Variants in PLPP1 observed in about 807,000 individuals in gnomAD.
PLPP1 encodes the protein lipid phosphate phosphohydrolase 1a.
A neutral mutation model predicts 31.2 loss-of-function variants in PLPP1; 24 were observed. That is an observed-to-expected ratio of 0.77 (90% CI 0.56 to 1.08). The LOEUF (loss-of-function observed/expected upper bound fraction) is 1.08, where lower values mean the gene tolerates loss of function less well. Among genes scored for constraint, PLPP1 ranks in the 50% least tolerant of loss-of-function variants. The pLI, the probability that PLPP1 is intolerant of heterozygous loss-of-function variation, is 0.00. For synonymous variants in PLPP1, 146 were observed against 126.3 expected (o/e 1.16, Z -1.05); for missense variants, 319 against 342.7 (o/e 0.93, Z 0.55).
rs181684617 is a variant in PLPP1, at chr5:55,445,628, T to G, written c.492-3720A>C. Reference sequence around the variant, plus strand: ...GGCCCAATCTGAGCTCACTGCAACCTCCGCCTCCTGGGTTCAAGCAATTCT... The same window carrying G: ...GGCCCAATCTGAGCTCACTGCAACCGCCGCCTCCTGGGTTCAAGCAATTCT... On this transcript the variant is annotated intron_variant, in intron 3 of 5. Coordinates refer to ENST00000307259, the MANE Select transcript of PLPP1 (RefSeq NM_003711.4). Among the ~76,000 whole-genome samples the G allele has an allele frequency of 4.5e-3, 618 of 136,176 alleles. 5 individuals carry two copies. Among genetic ancestry groups the G allele is most frequent in the African/African-American group, 0.016 (592 of 36,218 alleles). The allele number at this position is 136,176 out of a possible 152,430, so 89.3% of individuals were successfully genotyped here. A position where few individuals can be genotyped will look rare whatever the true frequency, so the allele number is the denominator to read the frequency against.
At chr5:55,443,192 A>AAAAAAAAATATATATATATATATAT in intron 3 of PLPP1, among the ~76,000 whole-genome samples, 1 of 25,442 alleles carries the variant, frequency 3.9e-5, no homozygotes, top group African/African-American at 1.1e-4. Context: ...AAAAAAAAAA[A>AAAAAAAAATATATATATATATATAT]ATATATATAT....
At chr5:55,531,247 C>G (rs1276714889) in intron 1 of PLPP1, among the ~76,000 whole-genome samples, 2 of 152,164 alleles carry the variant, frequency 1.3e-5, no homozygotes, top group Non-Finnish European at 2.9e-5. Context: ...CCTTCTTTTT[C>G]CAAGGATTTA....
At chr5:55,526,327 C>CATTT (rs1460189921) in intron 1 of PLPP1, among the ~76,000 whole-genome samples, 1 of 152,120 alleles carries the variant, frequency 6.6e-6, no homozygotes, top group African/African-American at 2.4e-5. Flanking sequence ...GTTTTCTGAA[C>CATTT]ATTTCTATAT....
chr5:55,496,734 C>T (rs1186737284), intron 1 of PLPP1, among the ~76,000 whole-genome samples: 1 of 152,178 alleles, frequency 6.6e-6, no homozygotes, highest in Non-Finnish European at 1.5e-5. Context: ...TAGTGCACTA[C>T]TCCTATGATA....
Position 55,475,559 on chromosome 5 carries a change from T to C in PLPP1, c.59-109A>G, listed in dbSNP as rs1393473632. 3.2e-5 allele frequency: 31 copies of C among 969,914 alleles called. 1 individual carries two copies. The highest frequency in any genetic ancestry group is 4.5e-5 in the Non-Finnish European group (31 of 684,750). The allele number at this position is 969,914 out of a possible 1,614,324, so 60.1% of individuals were successfully genotyped here. A position where few individuals can be genotyped will look rare whatever the true frequency, so the allele number is the denominator to read the frequency against. Reference sequence around the variant, plus strand: ...TCTAAAAATGCATTTGCCATGAAAATAAATGAGAGCACATGTAAAAAAGGA... The same window carrying C: ...TCTAAAAATGCATTTGCCATGAAAACAAATGAGAGCACATGTAAAAAAGGA... On this transcript the variant is annotated intron_variant, in intron 1 of 5. Transcript: ENST00000307259.
At chr5:55,443,972 C>T (rs561686720) in intron 3 of PLPP1, among the ~76,000 whole-genome samples, 13 of 152,236 alleles carry the variant, frequency 8.5e-5, no homozygotes, top group African/African-American at 2.9e-4. Flanking sequence ...AACTCTTTAT[C>T]GGAGTCTTTA....
intron 4 of PLPP1, among the ~76,000 whole-genome samples, chr5:55,432,551 C>A (rs1008777443): frequency 1.3e-5 from 2 of 152,018 alleles, no homozygotes; most frequent in African/African-American, 4.8e-5. Context: ...TACCCTGATA[C>A]GAAAAACAGA....
At chr5:55,534,305 G>A (rs534118258) in intron 1 of PLPP1, among the ~76,000 whole-genome samples, 1 of 152,302 alleles carries the variant, frequency 6.6e-6, no homozygotes, top group South Asian at 2.1e-4. Flanking sequence ...ACAGAGGACA[G>A]GAGCAAGGTA....
At position 55,425,144 on chromosome 5, in the gene PLPP1, C is replaced by T; in HGVS notation, c.*62G>A. 4 of 1,562,532 alleles carry T rather than the reference C, an allele frequency of 2.6e-6. No individual in the cohort carries two copies. Among genetic ancestry groups the T allele is most frequent in the Non-Finnish European group, 3.5e-6 (4 of 1,153,380 alleles). On this transcript the variant is annotated 3_prime_UTR_variant, in exon 6 of 6. Transcript: ENST00000307259. Reference sequence around the variant, plus strand: ...CCAGGAAGAAAGATGCATCCTCTTGCCTTGTGGCAATCATTTTCCTTTAGA... The same window carrying T: ...CCAGGAAGAAAGATGCATCCTCTTGTCTTGTGGCAATCATTTTCCTTTAGA...
chr5:55,485,471 C>CA (rs200817726), intron 1 of PLPP1, among the ~76,000 whole-genome samples: 5 of 151,440 alleles, frequency 3.3e-5, no homozygotes, highest in African/African-American at 1.2e-4. Flanking sequence ...TTATTTTGAT[C>CA]TTTTTTTTTC....
chr5:55,490,288 T>C (rs986647275), intron 1 of PLPP1, among the ~76,000 whole-genome samples: 14 of 151,688 alleles, frequency 9.2e-5, no homozygotes, highest in Admixed American at 9.2e-4. Flanking sequence ...GTAGCTGGGA[T>C]TACAGGCATG....
chr5:55,523,726 G>A lies in PLPP1; in HGVS notation c.58+10846C>T, dbSNP rs188904338. ...CCAGCCACACTGGCCTCTTTTCTGT[G>A]ACAAAATGCCCTTTTCTTCTTTTGC... On this transcript the variant is annotated intron_variant, in intron 1 of 5. Coordinates refer to ENST00000307259, the MANE Select transcript of PLPP1 (RefSeq NM_003711.4). Among the ~76,000 whole-genome samples the A allele has an allele frequency of 1.3e-3, 192 of 152,180 alleles. 2 individuals are homozygous for A. The Middle Eastern group carries it at 0.024, about 19-fold the overall frequency.
At chr5:55,480,918 C>T (rs1373330166) in intron 1 of PLPP1, among the ~76,000 whole-genome samples, 1 of 152,182 alleles carries the variant, frequency 6.6e-6, no homozygotes, top group Non-Finnish European at 1.5e-5. Flanking sequence ...CTTTTTGATA[C>T]ATTCACTAGT....
chr5:55,478,379 A>C (rs747094133), intron 1 of PLPP1, among the ~76,000 whole-genome samples: 7 of 152,254 alleles, frequency 4.6e-5, no homozygotes, highest in Non-Finnish European at 7.3e-5. Context: ...AATAAGGCAC[A>C]GTACATAATT....
At chr5:55,482,575 T>C (rs1752694382) in intron 1 of PLPP1, among the ~76,000 whole-genome samples, 1 of 152,172 alleles carries the variant, frequency 6.6e-6, no homozygotes, top group Admixed American at 6.6e-5. Flanking sequence ...ACAGCGCCTA[T>C]GTCCCCATGA....
At chr5:55,486,685 C>G (rs1034493832) in intron 1 of PLPP1, among the ~76,000 whole-genome samples, 1 of 151,676 alleles carries the variant, frequency 6.6e-6, no homozygotes, top group South Asian at 2.1e-4. Context: ...GAGGCCGAGG[C>G]GGGCAGATCA....
At chr5:55,518,451 G>A (rs1458929931) in intron 1 of PLPP1, among the ~76,000 whole-genome samples, 2 of 151,898 alleles carry the variant, frequency 1.3e-5, no homozygotes, top group African/African-American at 4.8e-5. Context: ...GAGAGACCGC[G>A]CCCGGCCTTT....
chr5:55,487,954 C>T (rs1198517178), intron 1 of PLPP1, among the ~76,000 whole-genome samples: 1 of 151,912 alleles, frequency 6.6e-6, no homozygotes, highest in Non-Finnish European at 1.5e-5. Flanking sequence ...ATGGTGAAAC[C>T]CTGTCTCTAT....
At chr5:55,482,891 T>C (rs1302828336) in intron 1 of PLPP1, among the ~76,000 whole-genome samples, 1 of 152,208 alleles carries the variant, frequency 6.6e-6, no homozygotes, top group Admixed American at 6.5e-5. Flanking sequence ...TATACCTCAG[T>C]TACCTGCTTT....
Sources: allele counts gnomAD v4.1 joint callset (sites outside exome capture counted in the v4.1 genomes callset), GRCh38; gene constraint gnomAD v4.1.1; transcripts MANE v1.5; gene names NCBI Gene and HGNC (gene_info 2026-07-23, HGNC 2026-07-21).